PSD2: variants seen among roughly 807,000 people sequenced by gnomAD.
The protein encoded by PSD2 is pleckstrin and Sec7 domain containing 2, also known as PH and SEC7 domain-containing protein 2.
In PSD2, 38 loss-of-function variants were observed where a neutral mutation model predicts 69.8. That is an observed-to-expected ratio of 0.54 (90% CI 0.42 to 0.71). PSD2 has a LOEUF of 0.71. PSD2 is among the 30% of genes least tolerant of loss of function. PSD2 has a pLI of 0.00. For synonymous variants in PSD2, 412 were observed against 423.0 expected (o/e 0.97, Z 0.32); for missense variants, 943 against 1,014.5 (o/e 0.93, Z 0.96).
chr5:139,744,041 A>G, the PSD2 span, among the ~76,000 whole-genome samples: 1 of 152,108 alleles, frequency 6.6e-6, no homozygotes, highest in African/African-American at 2.4e-5. Flanking sequence ...ACTAAGCATT[A>G]TCCACCCCAA....
At chr5:139,766,912 C>T in the PSD2 span, among the ~76,000 whole-genome samples, 26,705 of 64,498 alleles carry the variant, frequency 0.41, 6,091 homozygotes, top group Admixed American at 0.52. Flanking sequence ...TCCCTCCCTT[C>T]CTTCCTTCCT....
rs1355803994 is a variant in PSD2, at chr5:139,813,566, G to A, written c.629G>A (p.Gly210Glu). 1.2e-6 allele frequency: 2 copies of A among 1,612,328 alleles called. No individual in the cohort carries two copies. Among genetic ancestry groups the A allele is most frequent in the African/African-American group, 1.3e-5 (1 of 74,930 alleles). The change falls in exon 3 of 15, where the codon GGG (glycine) becomes GAG (glutamate). Residue 210 changes from glycine to glutamate, a missense_variant. Transcript: ENST00000274710. Reference protein sequence around the residue: ...IGDMAFEGDMGAAGGDGELGS... With the variant: ...IGDMAFEGDMEAAGGDGELGS... ...GACATGGCGTTTGAGGGGGACATGGGGGCAGCTGGTGGTGATGGGGAGCTG... is the reference window on the plus strand; with the variant it reads ...GACATGGCGTTTGAGGGGGACATGGAGGCAGCTGGTGGTGATGGGGAGCTG...
chr5:139,840,675 C>T (rs1207873742), intron 14 of PSD2, among the ~76,000 whole-genome samples: 7 of 151,750 alleles, frequency 4.6e-5, no homozygotes, highest in Admixed American at 4.6e-4. Flanking sequence ...CTCAGCCTCC[C>T]GAACAACTGG....
chr5:139,825,978 G>A (rs1052605323), intron 7 of PSD2, among the ~76,000 whole-genome samples: 4 of 152,176 alleles, frequency 2.6e-5, no homozygotes, highest in African/African-American at 4.8e-5. Flanking sequence ...CAGGGATGTC[G>A]GAGGAAACTC....
chr5:139,778,048 G>C, the PSD2 span, among the ~76,000 whole-genome samples: 1 of 152,248 alleles, frequency 6.6e-6, no homozygotes, highest in South Asian at 2.1e-4. Flanking sequence ...TCAGAATGAA[G>C]AAGCGAGGGC....
chr5:139,821,452 C>T (rs766952222), intron 5 of PSD2, among the ~76,000 whole-genome samples: 8 of 152,032 alleles, frequency 5.3e-5, no homozygotes, highest in Non-Finnish European at 1.2e-4. Context: ...AGTTGAGGGG[C>T]CAGAGTTGGG....
the PSD2 span, among the ~76,000 whole-genome samples, chr5:139,777,830 C>T: frequency 6.6e-6 from 1 of 152,088 alleles, no homozygotes; most frequent in African/African-American, 2.4e-5. Flanking sequence ...CTACAGTGAG[C>T]CATGATAGCC....
At chr5:139,789,266 A>G in the PSD2 span, among the ~76,000 whole-genome samples, 1 of 152,194 alleles carries the variant, frequency 6.6e-6, no homozygotes, top group Non-Finnish European at 1.5e-5. Context: ...CCTTGCGCTC[A>G]TGGAGTGTCC....
intron 1 of PSD2, among the ~76,000 whole-genome samples, chr5:139,797,984 G>C (rs544419415): frequency 1.3e-5 from 2 of 152,176 alleles, no homozygotes; most frequent in Admixed American, 6.5e-5. Context: ...TGGGATCAAG[G>C]CATTCCCATT....
intron 6 of PSD2, among the ~76,000 whole-genome samples, chr5:139,822,270 C>A (rs898893441): frequency 6.6e-6 from 1 of 152,240 alleles, no homozygotes; most frequent in Non-Finnish European, 1.5e-5. Context: ...CTGGGGCTCT[C>A]CCTTCTCTGG....
chr5:139,844,316 T>G lies in PSD2; in HGVS notation c.*1842T>G, dbSNP rs1051718198. 1 of 152,074 alleles carries G rather than the reference T, an allele frequency of 6.6e-6. No individual in the cohort carries two copies. The highest frequency in any genetic ancestry group is 1.5e-5 in the Non-Finnish European group (1 of 68,030). 9.4% of individuals were successfully genotyped at this position (152,074 alleles called of 1,614,324 possible). A position where few individuals can be genotyped will look rare whatever the true frequency, so the allele number is the denominator to read the frequency against. The stretch of plus-strand genomic sequence containing the variant: ...GTTGTGCCTCCCATCAGTAAAAAAA[T>G]GTTTAGTTCACTTCCTTAATTGTAT... On this transcript the variant is annotated 3_prime_UTR_variant, in exon 15 of 15. Coordinates refer to ENST00000274710, the MANE Select transcript of PSD2 (RefSeq NM_032289.4).
chr5:139,785,667 GTTTT>G, the PSD2 span, among the ~76,000 whole-genome samples: 1 of 152,136 alleles, frequency 6.6e-6, no homozygotes, highest in Non-Finnish European at 1.5e-5. Flanking sequence ...GGATTTTTGT[GTTTT>G]TTTGTTTACT....
At chr5:139,787,619 A>G in the PSD2 span, among the ~76,000 whole-genome samples, 1 of 152,286 alleles carries the variant, frequency 6.6e-6, no homozygotes, top group Non-Finnish European at 1.5e-5. Context: ...GCAGTTTCCA[A>G]AAACACCAGC....
At position 139,814,096 on chromosome 5, in the gene PSD2, A is replaced by G; in HGVS notation, c.822-74A>G. 1 of 1,476,750 alleles carries G rather than the reference A, an allele frequency of 6.8e-7. No individual in the cohort carries two copies. The highest frequency in any genetic ancestry group is 2.3e-5 in the East Asian group (1 of 43,616). 91.5% of individuals were successfully genotyped at this position (1,476,750 alleles called of 1,614,324 possible). ...TACATGGTTTGCAGTGGCCTGGGGA[A>G]ACCTCCCAGCCTCCTCTGGGGCCTT... On this transcript the variant is annotated intron_variant, in intron 3 of 14. Transcript: ENST00000274710. This position sits in a 1 kb window ranked among gnomAD's most constrained non-coding sequence, Gnocchi z 4.4.
chr5:139,759,974 G>A, the PSD2 span, among the ~76,000 whole-genome samples: 2 of 152,214 alleles, frequency 1.3e-5, no homozygotes, highest in African/African-American at 4.8e-5. Context: ...CCTTGCCCAA[G>A]GTCACATGGC....
the PSD2 span, among the ~76,000 whole-genome samples, chr5:139,779,585 A>G: frequency 6.6e-6 from 1 of 152,238 alleles, no homozygotes; most frequent in Non-Finnish European, 1.5e-5. Flanking sequence ...TGAAATGCAC[A>G]AATCTTAAGT....
chr5:139,791,499 A>C (rs1017880704), upstream of PSD2, among the ~76,000 whole-genome samples: 5 of 152,194 alleles, frequency 3.3e-5, no homozygotes, highest in African/African-American at 9.7e-5. Flanking sequence ...ATAGAAGGGA[A>C]TGAACTCAAC....
chr5:139,766,920 CCTTCCTTCCCTT>C, the PSD2 span, among the ~76,000 whole-genome samples: 255 of 30,958 alleles, frequency 8.2e-3, 14 homozygotes, highest in African/African-American at 0.021. Flanking sequence ...TTCCTTCCTT[CCTTCCTTCCCTT>C]CTTTCTTTCT....
At chr5:139,787,254 C>A in the PSD2 span, among the ~76,000 whole-genome samples, 1 of 152,204 alleles carries the variant, frequency 6.6e-6, no homozygotes, top group Admixed American at 6.5e-5. Flanking sequence ...ACCAAGGGCT[C>A]CTACCATGCC....
Sources: gnomAD v4.1 joint callset for allele counts (sites outside exome capture counted in the v4.1 genomes callset) on GRCh38, gnomAD v4.1.1 for gene constraint, Gnocchi (gnomAD v3.1) non-coding constraint, MANE v1.5 for transcripts, NCBI Gene and HGNC (gene_info 2026-07-23, HGNC 2026-07-21) for gene names.